Variants in AGMO observed in about 807,000 individuals in gnomAD.
AGMO encodes the protein alkylglycerol monooxygenase.
Under a neutral mutation model 60.2 loss-of-function variants are expected in AGMO, and 75 were observed. That is an observed-to-expected ratio of 1.25 (90% CI 1.03 to 1.51). The LOEUF (loss-of-function observed/expected upper bound fraction) is 1.51, where lower values mean the gene tolerates loss of function less well. AGMO is among the 40% of genes most tolerant of loss of function. The pLI is 0.00. For missense variants in AGMO, 763 were observed against 525.5 expected, an observed-to-expected ratio of 1.45 and a Z score of -4.42; for synonymous variants, 261 against 177.1, an observed-to-expected ratio of 1.47 and a Z score of -3.76.
At chr7:15,288,857 A>T (rs28548546) in intron 12 of AGMO, among the ~76,000 whole-genome samples, 30 of 149,784 alleles carry the variant, frequency 2.0e-4, no homozygotes, top group African/African-American at 5.4e-4. Context: ...AAAATAAAAA[A>T]AAAAAAAATA....
chr7:15,199,954 C>T (rs528433927), downstream of AGMO, among the ~76,000 whole-genome samples: 1 of 152,270 alleles, frequency 6.6e-6, no homozygotes, highest in African/African-American at 2.4e-5. Context: ...TAGACACCTG[C>T]AGTCTGATTC....
At chr7:15,203,293 CA>C (rs548031469) in intron 12 of AGMO, among the ~76,000 whole-genome samples, 1 of 152,052 alleles carries the variant, frequency 6.6e-6, no homozygotes, top group Admixed American at 6.6e-5. Flanking sequence ...GAAAAGATTA[CA>C]AGTCTAGTTA....
intron 3 of AGMO, among the ~76,000 whole-genome samples, chr7:15,526,297 T>C (rs1784127016): frequency 6.6e-6 from 1 of 152,206 alleles, no homozygotes; most frequent in Non-Finnish European, 1.5e-5. Flanking sequence ...AAAGCAAAAG[T>C]TAAGTCTTGT....
Position 15,351,725 on chromosome 7 carries a change from A to C in AGMO, c.1263+13789T>G, listed in dbSNP as rs1473532918. Among the ~76,000 whole-genome samples, 3 of 152,358 alleles carry C rather than the reference A, an allele frequency of 2.0e-5. No individual in the cohort carries two copies. The East Asian group carries it at 5.8e-4, about 29-fold the overall frequency. ...ATTTTAAGTGGACACATAAATAAAA[A>C]TAAATTTATAGCAGCTTATCAAATG... On this transcript the variant is annotated intron_variant, in intron 12 of 12. Transcript: ENST00000342526.
chr7:15,295,581 CCTCG>C (rs1784386066), intron 12 of AGMO, among the ~76,000 whole-genome samples: 1 of 151,888 alleles, frequency 6.6e-6, no homozygotes, highest in Non-Finnish European at 1.5e-5. Flanking sequence ...AAAATTTAAT[CCTCG>C]CTATTAATAG....
intron 6 of AGMO, among the ~76,000 whole-genome samples, chr7:15,392,177 C>T (rs1184390028): frequency 6.6e-6 from 1 of 152,052 alleles, no homozygotes; most frequent in Non-Finnish European, 1.5e-5. Context: ...TCACGCCATT[C>T]TCCTGCCTCA....
chr7:15,476,585 C>CT (rs959943381), intron 3 of AGMO, among the ~76,000 whole-genome samples: 25 of 151,914 alleles, frequency 1.6e-4, no homozygotes, highest in Admixed American at 4.6e-4. Context: ...ATAATTGTTT[C>CT]TTTTTTTTCT....
chr7:15,450,549 T>C (rs1193952421), intron 3 of AGMO, among the ~76,000 whole-genome samples: 1 of 152,218 alleles, frequency 6.6e-6, no homozygotes, highest in Non-Finnish European at 1.5e-5. Flanking sequence ...AATACTTTTA[T>C]GTAGAAAGAA....
intron 3 of AGMO, among the ~76,000 whole-genome samples, chr7:15,459,111 G>A (rs11773463): frequency 6.6e-6 from 1 of 151,638 alleles, no homozygotes; most frequent in Non-Finnish European, 1.5e-5. Flanking sequence ...TAAGAAGTGG[G>A]TTTTTTTTCT....
At chr7:15,410,349 T>C (rs1784805883) in intron 5 of AGMO, among the ~76,000 whole-genome samples, 1 of 151,818 alleles carries the variant, frequency 6.6e-6, no homozygotes, top group East Asian at 1.9e-4. Context: ...TTGTCATATG[T>C]AATAATCTGT....
At chr7:15,219,205 C>G (rs770737373) in intron 12 of AGMO, among the ~76,000 whole-genome samples, 4 of 152,006 alleles carry the variant, frequency 2.6e-5, no homozygotes, top group Admixed American at 2.6e-4. Flanking sequence ...TCTACTCTTA[C>G]GGGGTTTGAA....
At chr7:15,432,997 A>G (rs1484193752) in intron 3 of AGMO, among the ~76,000 whole-genome samples, 1 of 152,060 alleles carries the variant, frequency 6.6e-6, no homozygotes, top group Non-Finnish European at 1.5e-5. Flanking sequence ...TAATCTAAAC[A>G]CCATTTTCTC....
intron 12 of AGMO, among the ~76,000 whole-genome samples, chr7:15,255,320 C>G (rs1410443386): frequency 6.6e-6 from 1 of 152,106 alleles, no homozygotes; most frequent in African/African-American, 2.4e-5. Flanking sequence ...AGTAACAAAA[C>G]TGCACGTTCT....
chr7:15,321,946 G>T (rs1290383876), intron 12 of AGMO, among the ~76,000 whole-genome samples: 1 of 151,804 alleles, frequency 6.6e-6, no homozygotes, highest in Admixed American at 6.6e-5. Flanking sequence ...TTTTCTTACT[G>T]GGTTTTTGAG....
chr7:15,131,301 A>C, the AGMO span, among the ~76,000 whole-genome samples: 1 of 152,136 alleles, frequency 6.6e-6, no homozygotes, highest in Non-Finnish European at 1.5e-5. Flanking sequence ...CATAACTTAA[A>C]ATATAACAGG....
intron 12 of AGMO, among the ~76,000 whole-genome samples, chr7:15,303,915 C>T (rs909797111): frequency 1.3e-5 from 2 of 151,994 alleles, no homozygotes; most frequent in Non-Finnish European, 2.9e-5. Context: ...AAACTTTTAT[C>T]GTTAAAATCA....
At chr7:15,406,454 T>C (rs553319319) in intron 5 of AGMO, among the ~76,000 whole-genome samples, 10 of 125,260 alleles carry the variant, frequency 8.0e-5, no homozygotes, top group Non-Finnish European at 1.7e-4. Flanking sequence ...TACACATATA[T>C]ACCCACGTAT....
At chr7:15,345,632 T>C (rs936668485) in intron 12 of AGMO, among the ~76,000 whole-genome samples, 1 of 152,226 alleles carries the variant, frequency 6.6e-6, no homozygotes, top group Non-Finnish European at 1.5e-5. Flanking sequence ...ATCTTGGTAC[T>C]TGGTACTGAT....
intron 3 of AGMO, among the ~76,000 whole-genome samples, chr7:15,538,296 A>G (rs1784530124): frequency 6.6e-6 from 1 of 152,112 alleles, no homozygotes; most frequent in African/African-American, 2.4e-5. Context: ...ACAGTGGCAC[A>G]CTCATAGCTC....
Sources: allele counts gnomAD v4.1 joint callset (sites outside exome capture counted in the v4.1 genomes callset), GRCh38; gene constraint gnomAD v4.1.1; transcripts MANE v1.5; gene names NCBI Gene and HGNC (gene_info 2026-07-23, HGNC 2026-07-21).